The following DLG2 variants were observed in gnomAD, a reference collection of about 807,000 sequenced individuals.
DLG2 encodes disks large homolog 2.
In DLG2, 45 loss-of-function variants were observed where a neutral mutation model predicts 132.5. The observed-to-expected ratio is 0.34, with a 90% CI of 0.27 to 0.44. The LOEUF is 0.44. Ranked by LOEUF, DLG2 falls within the 20% of genes least tolerant of loss-of-function variation. DLG2 has a pLI of 1.00. For synonymous variants in DLG2, 424 were observed against 419.6 expected, an observed-to-expected ratio of 1.01 and a Z score of -0.13; for missense variants, 1,045 against 1,196.9, an observed-to-expected ratio of 0.87 and a Z score of 1.87.
intron 17 of DLG2, among the ~76,000 whole-genome samples, chr11:83,800,712 T>G (rs182472467): frequency 2.0e-5 from 3 of 152,336 alleles, no homozygotes; most frequent in South Asian, 2.1e-4. Context: ...CCAGGTCATT[T>G]CTAGAGGGAT....
chr11:84,362,503 T>A (rs990025540), intron 7 of DLG2, among the ~76,000 whole-genome samples: 1 of 149,360 alleles, frequency 6.7e-6, no homozygotes, highest in South Asian at 2.1e-4. Context: ...CTTTTTTTTT[T>A]AATAATTTTT....
At chr11:85,540,831 G>A (rs1006981491) in intron 3 of DLG2, among the ~76,000 whole-genome samples, 1 of 152,232 alleles carries the variant, frequency 6.6e-6, no homozygotes, top group East Asian at 1.9e-4. Flanking sequence ...CTCCCCCTAG[G>A]GGTTTGAGCA....
At chr11:84,617,848 A>G (rs1036522991) in intron 6 of DLG2, among the ~76,000 whole-genome samples, 1 of 152,158 alleles carries the variant, frequency 6.6e-6, no homozygotes, top group African/African-American at 2.4e-5. Flanking sequence ...ATGCACTGGA[A>G]ATCAAGGAAT....
At chr11:85,201,652 G>A (rs1211568242) in intron 4 of DLG2, among the ~76,000 whole-genome samples, 1 of 152,164 alleles carries the variant, frequency 6.6e-6, no homozygotes, top group Non-Finnish European at 1.5e-5. Context: ...AGACTGCAAA[G>A]TAAAATAAAT....
At chr11:83,888,051 G>A (rs1225205483) in intron 15 of DLG2, among the ~76,000 whole-genome samples, 1 of 144,664 alleles carries the variant, frequency 6.9e-6, no homozygotes, top group African/African-American at 2.6e-5. Flanking sequence ...AGACAGGGAT[G>A]CCCTCTCTCA....
In DLG2 at chr11:83,658,048, A is replaced by T. The variant is rs193177721; in HGVS notation, c.1826-24723T>A. ...CCAAACCAGTCTTGGCTGCATGGTT[A>T]TGGGCATACCAGAGCTAAATTCTGG... is the stretch of plus-strand genomic sequence containing the variant. On this transcript the variant is annotated intron_variant, in intron 18 of 27. Transcript: ENST00000376104. Among the ~76,000 whole-genome samples, 874 of 152,300 alleles carry T rather than the reference A, an allele frequency of 5.7e-3. 13 individuals carry two copies. Among genetic ancestry groups the T allele is most frequent in the African/African-American group, 0.02 (836 of 41,578 alleles).
Position 84,631,262 on chromosome 11 carries a change from A to G in DLG2, c.358-96531T>C, listed in dbSNP as rs576026662. On this transcript the variant is annotated intron_variant, in intron 6 of 27. Coordinates refer to ENST00000376104, the MANE Select transcript of DLG2 (RefSeq NM_001142699.3). The stretch of plus-strand genomic sequence containing the variant: ...TCAGGCTTAGACCAGTAATTAGCCC[A>G]TAAAAAAAAATCTAATCCATTAAGA... 6.2e-3 allele frequency among the ~76,000 whole-genome samples: 508 copies of G among 81,406 alleles called. 3 individuals are homozygous for G. The highest frequency in any genetic ancestry group is 0.03 in the African/African-American group (487 of 16,362). The allele number at this position is 81,406 out of a possible 152,430, so 53.4% of individuals were successfully genotyped here. A position where few individuals can be genotyped will look rare whatever the true frequency, so the allele number is the denominator to read the frequency against.
chr11:85,087,861 A>AAAAAAAAAAAAAAAAG (rs2068184367), intron 6 of DLG2, among the ~76,000 whole-genome samples: 1 of 145,014 alleles, frequency 6.9e-6, no homozygotes, highest in South Asian at 2.1e-4. Context: ...AAAAAAAAAA[A>AAAAAAAAAAAAAAAAG]AAAAAAAACA....
chr11:85,076,430 A>C (rs989380766), intron 6 of DLG2, among the ~76,000 whole-genome samples: 1 of 152,032 alleles, frequency 6.6e-6, no homozygotes, highest in Non-Finnish European at 1.5e-5. Flanking sequence ...TTAACTTTCT[A>C]AACTTTATTC....
At chr11:83,505,449 G>A (rs942094025) in intron 21 of DLG2, among the ~76,000 whole-genome samples, 2 of 152,162 alleles carry the variant, frequency 1.3e-5, no homozygotes, top group Admixed American at 6.5e-5. Context: ...ACTGAGTGGC[G>A]TCCACAGAAC....
intron 3 of DLG2, among the ~76,000 whole-genome samples, chr11:85,338,682 C>G (rs1264389170): frequency 1.3e-5 from 2 of 151,368 alleles, no homozygotes; most frequent in Non-Finnish European, 1.5e-5. Flanking sequence ...CTTTCCCACA[C>G]ACCCTCTGTG....
chr11:83,730,110 G>A (rs1488104880), intron 18 of DLG2, among the ~76,000 whole-genome samples: 1 of 143,312 alleles, frequency 7.0e-6, no homozygotes, highest in African/African-American at 2.6e-5. Context: ...ATCATTGTGA[G>A]TATATTTGTC....
chr11:84,129,251 T>C (rs968673442), intron 9 of DLG2, among the ~76,000 whole-genome samples: 3 of 152,138 alleles, frequency 2.0e-5, no homozygotes, highest in African/African-American at 7.2e-5. Flanking sequence ...AGATGGCATA[T>C]GTCCAAAGGG....
intron 3 of DLG2, among the ~76,000 whole-genome samples, chr11:85,480,972 G>A (rs1473651623): frequency 3.3e-5 from 5 of 152,210 alleles, no homozygotes; most frequent in African/African-American, 4.8e-5. Flanking sequence ...AATCTGTAAT[G>A]AAATCCTGGT....
intron 18 of DLG2, among the ~76,000 whole-genome samples, chr11:83,689,464 G>A (rs2080458141): frequency 1.3e-5 from 2 of 152,252 alleles, no homozygotes; most frequent in South Asian, 2.1e-4. Flanking sequence ...GAAGGCTAAA[G>A]TGGAAAATGT....
chr11:84,038,978 G>T (rs539532678), intron 11 of DLG2, among the ~76,000 whole-genome samples: 9 of 152,058 alleles, frequency 5.9e-5, no homozygotes, highest in Admixed American at 5.9e-4. Flanking sequence ...CTCCCACCAG[G>T]CCCCTCCCAT....
chr11:85,484,703 T>C (rs172284), intron 3 of DLG2, among the ~76,000 whole-genome samples: 132,811 of 150,780 alleles, frequency 0.88, 59,250 homozygotes, highest in Middle Eastern at 0.97. Context: ...CAGGAAACAA[T>C]AGGTGCTGGA....
chr11:84,917,940 T>C (rs2092567336), intron 6 of DLG2, among the ~76,000 whole-genome samples: 1 of 152,180 alleles, frequency 6.6e-6, no homozygotes, highest in Non-Finnish European at 1.5e-5. Context: ...CATCTCTGAC[T>C]TGTTATGAGC....
Position 84,409,163 on chromosome 11 carries a change from T to G in DLG2, c.519+125407A>C, listed in dbSNP as rs1241177415. 4.6e-5 allele frequency among the ~76,000 whole-genome samples: 7 copies of G among 152,210 alleles called. No homozygotes were observed. The East Asian group carries it at 1.4e-3, about 29-fold the overall frequency. On this transcript the variant is annotated intron_variant, in intron 7 of 27. Coordinates refer to ENST00000376104, the MANE Select transcript of DLG2 (RefSeq NM_001142699.3). The stretch of plus-strand genomic sequence containing the variant: ...GCGCTCCTCTTTTATATCACCATGA[T>G]TCTGCTCTGAGTGCTTCTCTATTCT...
Sources: allele counts gnomAD v4.1 joint callset (sites outside exome capture counted in the v4.1 genomes callset), GRCh38; gene constraint gnomAD v4.1.1; transcripts MANE v1.5; gene names NCBI Gene and HGNC (gene_info 2026-07-23, HGNC 2026-07-21).